TSPEAR: variants seen among roughly 807,000 people sequenced by gnomAD.
TSPEAR encodes thrombospondin type laminin G domain and EAR repeats, also known as thrombospondin-type laminin G domain and EAR repeat-containing protein.
TSPEAR carries 69 observed loss-of-function variants against 71.6 expected under a neutral mutation model. The ratio of observed to expected loss-of-function variants is 0.96; its 90% confidence interval spans 0.79 to 1.18. TSPEAR has a LOEUF of 1.18. TSPEAR is among the 50% of genes most tolerant of loss of function. The pLI is 0.00. For synonymous variants in TSPEAR, 402 were observed against 387.2 expected (o/e 1.04, Z -0.45); for missense variants, 971 against 894.9 (o/e 1.09, Z -1.09).
chr21:44,530,053 G>C, intron 4 of TSPEAR, 99 bp from the exon 5 acceptor site: 2 of 1,277,718 alleles, frequency 1.6e-6, no homozygotes, highest in Admixed American at 5.8e-5. Context: ...CCCGGAGGAG[G>C]CTCGGGTGGA....
At chr21:44,699,597 T>G (rs906094508) in intron 1 of TSPEAR, among the ~76,000 whole-genome samples, 2 of 152,108 alleles carry the variant, frequency 1.3e-5, no homozygotes. Context: ...GCTCTCCCTC[T>G]GTCCCTCACT....
chr21:44,671,744 TG>T (rs1986066212), intron 1 of TSPEAR, among the ~76,000 whole-genome samples: 1 of 150,126 alleles, frequency 6.7e-6, no homozygotes, highest in East Asian at 1.9e-4. Context: ...AAGAAGTGAT[TG>T]TTATGTCAGA....
chr21:44,500,009 G>T, intron 11 of TSPEAR, 73 bp from the exon 12 acceptor site: 2 of 1,467,842 alleles, frequency 1.4e-6, no homozygotes, highest in Non-Finnish European at 9.0e-7. Context: ...GCTCCCACCC[G>T]CGCTGTCAGG....
chr21:44,626,154 G>C (rs1273785771), intron 1 of TSPEAR, among the ~76,000 whole-genome samples: 1 of 152,228 alleles, frequency 6.6e-6, no homozygotes, highest in Non-Finnish European at 1.5e-5. Context: ...ATATGCGTAT[G>C]TGTACTTGAA....
intron 1 of TSPEAR, among the ~76,000 whole-genome samples, chr21:44,649,610 G>A (rs1984654495): frequency 6.6e-6 from 1 of 152,208 alleles, no homozygotes; most frequent in Non-Finnish European, 1.5e-5. Flanking sequence ...TGTCGGGGCA[G>A]CCCTCGGTTT....
intron 2 of TSPEAR, chr21:44,539,283 C>T (rs199537792): frequency 2.9e-4 from 472 of 1,604,304 alleles, no homozygotes; most frequent in Middle Eastern, 3.5e-4. Flanking sequence ...CAGCTGGACT[C>T]CTGGCCTGAG....
At chr21:44,581,285 A>G (rs1440079911) in intron 1 of TSPEAR, among the ~76,000 whole-genome samples, 2 of 152,172 alleles carry the variant, frequency 1.3e-5, no homozygotes, top group African/African-American at 4.8e-5. Flanking sequence ...ACTTTTTCAC[A>G]TATGGTGATT....
At chr21:44,592,268 C>G (rs782505938) in intron 1 of TSPEAR, 11 of 1,585,726 alleles carry the variant, frequency 6.9e-6, no homozygotes, top group African/African-American at 1.4e-5. Flanking sequence ...GGGCTGGGCT[C>G]ACAGGTCACT....
chr21:44,549,900 C>T lies in TSPEAR; in HGVS notation c.304-15977G>A, dbSNP rs1271713661. Among the ~76,000 whole-genome samples the T allele has an allele frequency of 5.3e-5, 8 of 152,214 alleles. No individual in the cohort carries two copies. The East Asian group carries it at 7.7e-4, about 15-fold the overall frequency. On this transcript the variant is annotated intron_variant, in intron 2 of 11. Coordinates refer to ENST00000323084, the MANE Select transcript of TSPEAR (RefSeq NM_144991.3). ...GTAAGCCTGGTGCAGGAACAGAGGG[C>T]GCCCCTGAGCGTATGTGAGTGTGCG... is the stretch of plus-strand genomic sequence containing the variant.
intron 9 of TSPEAR, among the ~76,000 whole-genome samples, chr21:44,521,411 G>C (rs1362995689): frequency 6.6e-6 from 1 of 152,220 alleles, no homozygotes; most frequent in Admixed American, 6.5e-5. Flanking sequence ...GGACACTTGA[G>C]GCCTGGAGAG....
intron 1 of TSPEAR, among the ~76,000 whole-genome samples, chr21:44,614,294 T>A (rs587639157): frequency 9.6e-4 from 147 of 152,356 alleles, no homozygotes; most frequent in African/African-American, 3.3e-3. Flanking sequence ...CAGCCCTAAG[T>A]TGGCCTGTGC....
Position 44,649,151 on chromosome 21 carries a change from G to T in TSPEAR, c.82+62282C>A, listed in dbSNP as rs587634235. Among the ~76,000 whole-genome samples, 5 of 152,340 alleles carry T rather than the reference G, an allele frequency of 3.3e-5. No homozygotes were observed. In the East Asian group the frequency reaches 7.7e-4, roughly 24 times the overall value. On this transcript the variant is annotated intron_variant, in intron 1 of 11. Coordinates refer to ENST00000323084, the MANE Select transcript of TSPEAR (RefSeq NM_144991.3). ...AGCCGGACGGCTCCTGGGGACCGGGGGAGGGTGTCTGTAAGGCGAGGACAT... is the reference window on the plus strand; with the variant it reads ...AGCCGGACGGCTCCTGGGGACCGGGTGAGGGTGTCTGTAAGGCGAGGACAT...
chr21:44,638,189 T>C (rs1167558441), intron 1 of TSPEAR: 1 of 1,591,230 alleles, frequency 6.3e-7, no homozygotes, highest in South Asian at 1.1e-5. Flanking sequence ...CTGGATGTGA[T>C]CCGGAGTCCC....
intron 1 of TSPEAR, among the ~76,000 whole-genome samples, chr21:44,645,536 T>G (rs1984273738): frequency 1.3e-5 from 2 of 151,844 alleles, no homozygotes; most frequent in South Asian, 4.2e-4. Context: ...GTATTTTTAG[T>G]AGAGACCGGG....
rs1980128823 is a variant in TSPEAR, at chr21:44,593,335, C to CA, written c.83-25331dup. ...CCAGCCTCCTGCTGGGCCCATTTCC[C>CA]AGCCCTGTCTTCCAAGCCCTGTGCC... On this transcript the variant is annotated intron_variant, in intron 1 of 11. Transcript: ENST00000323084. This position sits in a 1 kb window ranked among gnomAD's most constrained non-coding sequence, Gnocchi z 5.9. 6.6e-6 allele frequency among the ~76,000 whole-genome samples: 1 copy of CA among 152,200 alleles called. No individual in the cohort carries two copies. Among genetic ancestry groups the CA allele is most frequent in the Admixed American group, 6.5e-5 (1 of 15,284 alleles).
At chr21:44,708,826 T>C (rs1233827858) in intron 1 of TSPEAR, among the ~76,000 whole-genome samples, 2 of 152,220 alleles carry the variant, frequency 1.3e-5, no homozygotes, top group African/African-American at 4.8e-5. Flanking sequence ...TTGGCCAAGT[T>C]GCCAGCTCCG....
At chr21:44,686,007 C>T (rs1213467830) in intron 1 of TSPEAR, among the ~76,000 whole-genome samples, 4 of 152,224 alleles carry the variant, frequency 2.6e-5, no homozygotes, top group African/African-American at 7.2e-5. Context: ...AGCCCAGTAG[C>T]TTGGCTCTCA....
chr21:44,658,842 C>A lies in TSPEAR; in HGVS notation c.82+52591G>T, dbSNP rs1225887984. On this transcript the variant is annotated intron_variant, in intron 1 of 11. Coordinates refer to ENST00000323084, the MANE Select transcript of TSPEAR (RefSeq NM_144991.3). ...ATAAAGACCACCAGAGAAGAAGCTT[C>A]CAGATGGAGCGTGTTGGGGGAGGGT... Among the ~76,000 whole-genome samples the A allele has an allele frequency of 4.6e-5, 7 of 152,118 alleles. 1 individual carries two copies. Among genetic ancestry groups the A allele is most frequent in the African/African-American group, 1.7e-4 (7 of 41,422 alleles).
At chr21:44,663,563 A>G (rs895959943) in intron 1 of TSPEAR, among the ~76,000 whole-genome samples, 1 of 152,140 alleles carries the variant, frequency 6.6e-6, no homozygotes. Context: ...GAACTCTTCC[A>G]GAAAATAGAA....
Sources: gnomAD v4.1 joint callset for allele counts (sites outside exome capture counted in the v4.1 genomes callset) on GRCh38, gnomAD v4.1.1 for gene constraint, Gnocchi (gnomAD v3.1) non-coding constraint, MANE v1.5 for transcripts, NCBI Gene and HGNC (gene_info 2026-07-23, HGNC 2026-07-21) for gene names.